Variants in CD40 observed in about 807,000 individuals in gnomAD.
CD40 encodes the protein CD40 molecule, also known as tumor necrosis factor receptor superfamily member 5.
In CD40, 19 loss-of-function variants were observed where a neutral mutation model predicts 38.5. The ratio of observed to expected loss-of-function variants is 0.49; its 90% CI spans 0.34 to 0.72. CD40 has a LOEUF of 0.72. CD40 is among the 30% of genes least tolerant of loss of function. The probability of loss-of-function intolerance (pLI) is 0.01; values close to 1 mark genes in which losing one functional copy is unlikely to be tolerated. For synonymous variants in CD40, 130 were observed against 128.7 expected (o/e 1.01, Z -0.07); for missense variants, 256 against 344.1 (o/e 0.74, Z 2.03).
intron 1 of CD40, among the ~76,000 whole-genome samples, chr20:46,118,919 C>G (rs2085264361): frequency 6.6e-6 from 1 of 152,230 alleles, no homozygotes; most frequent in South Asian, 2.1e-4. Flanking sequence ...ACATCGCCTT[C>G]CACCCCGAAC....
chr20:46,129,174 C>T lies in CD40; in HGVS notation c.*134C>T. On this transcript the variant is annotated 3_prime_UTR_variant, in exon 9 of 9. Coordinates refer to ENST00000372285, the MANE Select transcript of CD40 (RefSeq NM_001250.6). ...CATAGCTCCCCGCTTCTGCCTGCAC[C>T]CCTGCAGTTTGAGACAGGAGACCTG... is the stretch of plus-strand genomic sequence containing the variant. 1.0e-6 allele frequency: 1 copy of T among 978,358 alleles called. No homozygotes were observed. Among genetic ancestry groups the T allele is most frequent in the South Asian group, 1.3e-5 (1 of 74,636 alleles). The allele number at this position is 978,358 out of a possible 1,614,324, so 60.6% of individuals were successfully genotyped here.
At position 46,122,297 on chromosome 20, in the gene CD40, C is replaced by A. The variant is rs202208745; in HGVS notation, c.195C>A (p.Ser65Arg). Residue 65 changes from serine to arginine, a missense_variant, in exon 3 of 9, where the codon AGC becomes AGA. Transcript: ENST00000372285. The surrounding 1 kb of genome is among the most constrained non-coding windows in gnomAD (Gnocchi z 5.0). ...CGGAATGCCTTCCTTGCGGTGAAAG[C>A]GAATTCCTAGACACCTGGAACAGAG... ...TETECLPCGE[S>R]EFLDTWNRET... 6 of 1,614,124 alleles carry A rather than the reference C, an allele frequency of 3.7e-6. No homozygotes were observed. The highest frequency in any genetic ancestry group is 5.1e-6 in the Non-Finnish European group (6 of 1,180,000).
At chr20:46,123,787 A>C (rs1385196027) in intron 5 of CD40, among the ~76,000 whole-genome samples, 1 of 152,122 alleles carries the variant, frequency 6.6e-6, no homozygotes, top group Non-Finnish European at 1.5e-5. Context: ...TCCTCTTGCC[A>C]ACATGAGCGT....
intron 6 of CD40, chr20:46,127,358 TAGC>T (rs909789247): frequency 6.4e-6 from 1 of 155,134 alleles, no homozygotes; most frequent in African/African-American, 2.4e-5. Flanking sequence ...ATGAGCAAGA[TAGC>T]AACATTTTAA....
chr20:46,127,920 G>A (rs1187447555), intron 6 of CD40: 5 of 854,896 alleles, frequency 5.8e-6, no homozygotes, highest in Non-Finnish European at 8.8e-6. Flanking sequence ...TGATCTCCCA[G>A]TTTAAAAATG....
At chr20:46,121,340 TGAG>T (rs2085313535) in intron 1 of CD40, among the ~76,000 whole-genome samples, 1 of 152,064 alleles carries the variant, frequency 6.6e-6, no homozygotes. Context: ...GAACAGATGA[TGAG>T]GAGTTGGAGG....
chr20:46,123,033 G>A (rs1364652652), intron 4 of CD40, 93 bp from the exon 5 acceptor site: 7 of 1,035,766 alleles, frequency 6.8e-6, no homozygotes, highest in Non-Finnish European at 1.1e-5. Context: ...CAAGGCAGGA[G>A]CTCTTCCCGT....
chr20:46,121,677 G>T, intron 1 of CD40, 143 bp from the exon 2 acceptor site: 1 of 758,286 alleles, frequency 1.3e-6, no homozygotes. Flanking sequence ...AAACAAACAT[G>T]CCAAATATCA....
chr20:46,119,541 C>G (rs1600652158), intron 1 of CD40, among the ~76,000 whole-genome samples: 1 of 152,242 alleles, frequency 6.6e-6, no homozygotes, highest in African/African-American at 2.4e-5. Flanking sequence ...GGGTGTGATC[C>G]AGGCTTCTCA....
At chr20:46,119,946 G>C (rs572727616) in intron 1 of CD40, among the ~76,000 whole-genome samples, 3 of 152,326 alleles carry the variant, frequency 2.0e-5, no homozygotes, top group Middle Eastern at 6.8e-3. Context: ...TATTTCTCAT[G>C]TGTTTGAAGA....
intron 5 of CD40, 145 bp downstream of exon 5, chr20:46,123,364 C>T: frequency 1.3e-6 from 1 of 793,552 alleles, no homozygotes; most frequent in Non-Finnish European, 2.3e-6. Flanking sequence ...GGCCTCATGG[C>T]CAACCAGACA....
At chr20:46,126,206 C>T (rs1335155845) in intron 5 of CD40, among the ~76,000 whole-genome samples, 1 of 150,608 alleles carries the variant, frequency 6.6e-6, no homozygotes, top group Non-Finnish European at 1.5e-5. Flanking sequence ...GGACAGCCCA[C>T]CCCCACCCCC....
Position 46,122,270 on chromosome 20 carries a change from A to G in CD40, c.168A>G (p.Glu56=). 6.2e-7 allele frequency: 1 copy of G among 1,614,200 alleles called. No individual in the cohort carries two copies. The highest frequency in any genetic ancestry group is 8.5e-7 in the Non-Finnish European group (1 of 1,180,028). Residue 56 remains glutamate (E), a synonymous_variant, in exon 3 of 9, where the codon GAA becomes GAG. Coordinates refer to ENST00000372285, the MANE Select transcript of CD40 (RefSeq NM_001250.6). This position sits in a 1 kb window ranked among gnomAD's most constrained non-coding sequence, Gnocchi z 5.0. ...TGAGTGACTGCACAGAGTTCACTGA[A>G]ACGGAATGCCTTCCTTGCGGTGAAA... The part of the protein sequence containing the change: ...KLVSDCTEFT[E]TECLPCGESE...
At chr20:46,127,500 C>T (rs935298539) in intron 6 of CD40, among the ~76,000 whole-genome samples, 5 of 152,216 alleles carry the variant, frequency 3.3e-5, no homozygotes, top group Admixed American at 2.0e-4. Flanking sequence ...ACTTGGTGTC[C>T]GCCTGATGAT....
At chr20:46,125,536 G>A (rs1176177514) in intron 5 of CD40, among the ~76,000 whole-genome samples, 1 of 100,450 alleles carries the variant, frequency 1.0e-5, no homozygotes, top group Non-Finnish European at 1.8e-5. Flanking sequence ...GAAAGAGCAA[G>A]ACTCTGTCTC....
In CD40 at chr20:46,122,835, C is replaced by T. The variant is rs1223654482; in HGVS notation, c.403+79C>T. On this transcript the variant is annotated intron_variant, in intron 4 of 8. Coordinates refer to ENST00000372285, the MANE Select transcript of CD40 (RefSeq NM_001250.6). The surrounding 1 kb of genome is among the most constrained non-coding windows in gnomAD (Gnocchi z 5.0). The stretch of plus-strand genomic sequence containing the variant: ...CCAAGGTGAGGGGCTGGGCAGTGGG[C>T]ACTTAGCCCCAGAGGCAGAGGAAGC... 6.4e-7 allele frequency: 1 copy of T among 1,556,478 alleles called. No individual in the cohort carries two copies. Among genetic ancestry groups the T allele is most frequent in the Non-Finnish European group, 8.8e-7 (1 of 1,136,218 alleles).
chr20:46,126,795 G>A, intron 6 of CD40, 94 bp downstream of exon 6: 1 of 1,604,678 alleles, frequency 6.2e-7, no homozygotes, highest in Non-Finnish European at 8.5e-7. Context: ...GGGAAAAAGG[G>A]GAGGGGAGGC....
chr20:46,124,869 C>T (rs73622651), intron 5 of CD40, among the ~76,000 whole-genome samples: 18,835 of 148,386 alleles, frequency 0.13, 1,467 homozygotes, highest in East Asian at 0.43. Flanking sequence ...CAGGTTCACG[C>T]CATTCTCCTG....
intron 1 of CD40, among the ~76,000 whole-genome samples, chr20:46,121,044 G>A (rs1465032060): frequency 2.0e-5 from 3 of 152,216 alleles, no homozygotes; most frequent in African/African-American, 7.2e-5. Context: ...CAGCCTGGGC[G>A]ATGGAGCGAG....
Sources: gnomAD v4.1 joint callset for allele counts (sites outside exome capture counted in the v4.1 genomes callset) on GRCh38, gnomAD v4.1.1 for gene constraint, Gnocchi (gnomAD v3.1) non-coding constraint, MANE v1.5 for transcripts, NCBI Gene and HGNC (gene_info 2026-07-23, HGNC 2026-07-21) for gene names.